Variants in MAP2K1 observed in about 807,000 individuals in gnomAD.
MAP2K1 encodes dual specificity mitogen-activated protein kinase kinase 1.
In MAP2K1, 16 loss-of-function variants were observed where a neutral mutation model predicts 46.3. The ratio of observed to expected loss-of-function variants is 0.35; its 90% CI spans 0.23 to 0.52. MAP2K1 has a LOEUF of 0.52. Among genes scored for constraint, MAP2K1 ranks in the 20% least tolerant of loss-of-function variants. The pLI is 0.94. For missense variants in MAP2K1, 263 were observed against 497.1 expected (o/e 0.53, Z 4.48); for synonymous variants, 183 against 185.6 (o/e 0.99, Z 0.11).
intron 5 of MAP2K1, among the ~76,000 whole-genome samples, chr15:66,447,210 A>AT (rs113189634): frequency 0.021 from 3,050 of 142,306 alleles, 78 homozygotes; most frequent in African/African-American, 0.068. Flanking sequence ...TCCTGGATGC[A>AT]TTTTTTTTTT....
In MAP2K1 at chr15:66,420,763, G is replaced by A. The variant is rs867243041; in HGVS notation, c.81-14264G>A. ...TGTGTGTGTGTGTGTGTGTGTGTAT[G>A]TGTGTATATATATGTGTATATATAT... On this transcript the variant is annotated intron_variant, in intron 1 of 10. Transcript: ENST00000307102. Among the ~76,000 whole-genome samples the A allele has an allele frequency of 1.5e-3, 67 of 43,554 alleles. 5 individuals are homozygous for A. The highest frequency in any genetic ancestry group is 2.1e-3 in the Non-Finnish European group (40 of 19,092). The allele number at this position is 43,554 out of a possible 152,430, so 28.6% of individuals were successfully genotyped here.
intron 1 of MAP2K1, among the ~76,000 whole-genome samples, chr15:66,410,524 C>A (rs1429022646): frequency 6.6e-6 from 1 of 152,136 alleles, no homozygotes; most frequent in African/African-American, 2.4e-5. Context: ...CCTTTTGGCT[C>A]TAAAATCACC....
chr15:66,427,134 A>G (rs1273437326), intron 1 of MAP2K1, among the ~76,000 whole-genome samples: 3 of 152,270 alleles, frequency 2.0e-5, no homozygotes, highest in African/African-American at 7.2e-5. Flanking sequence ...ATTTAAGTCA[A>G]AATGTGATAA....
At chr15:66,443,160 C>T in intron 3 of MAP2K1, 120 bp from the exon 4 acceptor site, 2 of 552,268 alleles carry the variant, frequency 3.6e-6, no homozygotes, top group Non-Finnish European at 6.9e-6. Flanking sequence ...GATCTCGGCT[C>T]ACTGCAAGCT....
At chr15:66,453,705 A>G (rs1295102706) in intron 5 of MAP2K1, among the ~76,000 whole-genome samples, 2 of 152,232 alleles carry the variant, frequency 1.3e-5, no homozygotes, top group Non-Finnish European at 2.9e-5. Flanking sequence ...TCCTTGAGGA[A>G]AAGTGGGGAA....
chr15:66,490,371 G>A (rs754481738), intron 10 of MAP2K1, 131 bp from the exon 11 acceptor site: 1 of 770,608 alleles, frequency 1.3e-6, no homozygotes, highest in African/African-American at 1.7e-5. Flanking sequence ...TGTTGCTCAG[G>A]GGCAGGTGCC....
chr15:66,458,379 G>C (rs1354658086), intron 5 of MAP2K1, among the ~76,000 whole-genome samples: 3 of 152,294 alleles, frequency 2.0e-5, no homozygotes, highest in African/African-American at 7.2e-5. Context: ...GGAGTTGTTA[G>C]CTGATAAAGA....
rs527378035 is a variant in MAP2K1 at position 66,411,287 on chromosome 15, G to T, written c.81-23740G>T. Among the ~76,000 whole-genome samples the T allele has an allele frequency of 9.5e-3, 1,448 of 152,226 alleles. 8 individuals carry two copies. Among genetic ancestry groups the T allele is most frequent in the Middle Eastern group, 0.031 (9 of 294 alleles). ...AGTTATTAGGTTGTAAATGACTATG[G>T]TAGGTACAGATGTCATGAATATACT... On this transcript the variant is annotated intron_variant, in intron 1 of 10. Coordinates refer to ENST00000307102, the MANE Select transcript of MAP2K1 (RefSeq NM_002755.4).
rs77296783 is a variant in MAP2K1 at position 66,411,421 on chromosome 15, C to T, written c.81-23606C>T. On this transcript the variant is annotated intron_variant, in intron 1 of 10. Coordinates refer to ENST00000307102, the MANE Select transcript of MAP2K1 (RefSeq NM_002755.4). ...GGCAAACCAGTGGGTAAATGAGAGCCCTTCTCCTTTGGAAGAAAAGGAAGT... is the reference window on the plus strand; with the variant it reads ...GGCAAACCAGTGGGTAAATGAGAGCTCTTCTCCTTTGGAAGAAAAGGAAGT... 9.8e-3 allele frequency among the ~76,000 whole-genome samples: 1,492 copies of T among 152,196 alleles called. 54 individuals carry two copies. The highest frequency in any genetic ancestry group is 0.061 in the Admixed American group (939 of 15,292).
At chr15:66,468,258 A>C (rs146662609) in intron 5 of MAP2K1, among the ~76,000 whole-genome samples, 2 of 152,224 alleles carry the variant, frequency 1.3e-5, no homozygotes, top group African/African-American at 4.8e-5. Context: ...CTTAAAGGTA[A>C]GACAGACCTC....
intron 1 of MAP2K1, among the ~76,000 whole-genome samples, chr15:66,421,937 C>A (rs1291370030): frequency 6.6e-6 from 1 of 150,900 alleles, no homozygotes; most frequent in Non-Finnish European, 1.5e-5. Context: ...CAGTTTGAGC[C>A]TCATATCCCC....
At chr15:66,442,772 A>G (rs769922262) in intron 3 of MAP2K1, among the ~76,000 whole-genome samples, 8 of 152,296 alleles carry the variant, frequency 5.3e-5, no homozygotes, top group Non-Finnish European at 1.0e-4. Context: ...CTGCACCACC[A>G]CCAGTTGCCA....
In MAP2K1 at chr15:66,420,721, A is replaced by ATATATATATATATATATATATATATATG. The variant is rs1461381065; in HGVS notation, c.81-14305_81-14304insATATATATATATATATATATATATATGT. On this transcript the variant is annotated intron_variant, in intron 1 of 10. Coordinates refer to ENST00000307102, the MANE Select transcript of MAP2K1 (RefSeq NM_002755.4). ...TTACTCTTGGCATATATATATATATATGTGTGTGTGTGTGTGTGTGTGTGT... is the reference window on the plus strand; with the variant it reads ...TTACTCTTGGCATATATATATATATATATATATATATATATATATATATATATGTGTGTGTGTGTGTGTGTGTGTGTGT... Among the ~76,000 whole-genome samples the ATATATATATATATATATATATATATATG allele has an allele frequency of 1.3e-4, 4 of 29,702 alleles. 1 individual carries two copies. Among genetic ancestry groups the ATATATATATATATATATATATATATATG allele is most frequent in the African/African-American group, 4.7e-4 (4 of 8,480 alleles). The allele number at this position is 29,702 out of a possible 152,430, so 19.5% of individuals were successfully genotyped here. A position where few individuals can be genotyped will look rare whatever the true frequency, so the allele number is the denominator to read the frequency against.
chr15:66,433,477 G>A (rs2093479860), intron 1 of MAP2K1, among the ~76,000 whole-genome samples: 1 of 152,136 alleles, frequency 6.6e-6, no homozygotes, highest in Non-Finnish European at 1.5e-5. Context: ...TTTGATGTGT[G>A]CAGCAGGTGG....
intron 8 of MAP2K1, 58 bp downstream of exon 8, chr15:66,487,350 C>A (rs1893067669): frequency 1.3e-6 from 2 of 1,533,908 alleles, no homozygotes; most frequent in Non-Finnish European, 1.8e-6. Flanking sequence ...TAAGAAAACA[C>A]CCAGGTGGCC....
chr15:66,410,727 C>T (rs1420355203), intron 1 of MAP2K1, among the ~76,000 whole-genome samples: 3 of 152,126 alleles, frequency 2.0e-5, no homozygotes, highest in Non-Finnish European at 4.4e-5. Context: ...GACAGGTTTG[C>T]GGTCCTCTCT....
At chr15:66,417,808 G>C (rs2093428079) in intron 1 of MAP2K1, among the ~76,000 whole-genome samples, 1 of 152,134 alleles carries the variant, frequency 6.6e-6, no homozygotes, top group Non-Finnish European at 1.5e-5. Context: ...AGCAAGTCTG[G>C]AGAATTGACA....
chr15:66,406,071 C>G (rs1030503968), intron 1 of MAP2K1, among the ~76,000 whole-genome samples: 4 of 152,208 alleles, frequency 2.6e-5, no homozygotes, highest in African/African-American at 9.6e-5. Context: ...AGATTTCTAA[C>G]TTGTATGTTA....
intron 5 of MAP2K1, among the ~76,000 whole-genome samples, chr15:66,462,248 T>TC (rs1240737100): frequency 1.3e-5 from 2 of 152,086 alleles, no homozygotes; most frequent in African/African-American, 4.8e-5. Context: ...ACACCTGTAA[T>TC]CCCAGCACTT....
Sources: allele counts gnomAD v4.1 joint callset (sites outside exome capture counted in the v4.1 genomes callset), GRCh38; gene constraint gnomAD v4.1.1; transcripts MANE v1.5; gene names NCBI Gene and HGNC (gene_info 2026-07-23, HGNC 2026-07-21).